The following ENTHD1 variants were observed in gnomAD, a reference collection of about 807,000 sequenced individuals.
The protein encoded by ENTHD1 is ENTH domain containing 1, also known as ENTH domain-containing protein 1.
Under a neutral mutation model 39.1 loss-of-function variants are expected in ENTHD1, and 23 were observed. The observed-to-expected ratio is 0.59, with a 90% CI of 0.42 to 0.83. ENTHD1 has a LOEUF of 0.83. Ranked by LOEUF, ENTHD1 falls within the 40% of genes least tolerant of loss-of-function variation. The pLI is 0.00. For synonymous variants in ENTHD1, 230 were observed against 258.2 expected, an observed-to-expected ratio of 0.89 and a Z score of 1.05; for missense variants, 624 against 705.4, an observed-to-expected ratio of 0.88 and a Z score of 1.31.
Position 39,861,787 on chromosome 22 carries a change from CT to C in ENTHD1, c.569del (p.Lys190SerfsTer16). The C allele has an allele frequency of 6.4e-7, 1 of 1,559,744 alleles. No homozygotes were observed. Among genetic ancestry groups the C allele is most frequent in the Non-Finnish European group, 8.7e-7 (1 of 1,146,450 alleles). ...TACTTTTATTATGTAACCTTCCAAACTTAGGAAGCTTATACTTCTTCTCTGA... is the reference window on the plus strand; with the variant it reads ...TACTTTTATTATGTAACCTTCCAAACTAGGAAGCTTATACTTCTTCTCTGA... ...SASEKKYKLP[K>X]FGRLHNKRNV... On this transcript the variant is annotated frameshift_variant, in exon 3 of 7. Coordinates refer to ENST00000325157, the MANE Select transcript of ENTHD1 (RefSeq NM_152512.4). LOFTEE classifies it high-confidence loss of function.
At chr22:39,752,740 T>C (rs1220734918) in intron 6 of ENTHD1, among the ~76,000 whole-genome samples, 2 of 152,182 alleles carry the variant, frequency 1.3e-5, no homozygotes. Context: ...TAAATAGGTG[T>C]GGTTTTTTGC....
chr22:39,873,207 T>G (rs2066258546), intron 2 of ENTHD1, among the ~76,000 whole-genome samples: 1 of 152,148 alleles, frequency 6.6e-6, no homozygotes, highest in African/African-American at 2.4e-5. Context: ...TGTGTGTATG[T>G]GTATATGAAA....
At chr22:39,813,075 G>A (rs1037044611) in intron 5 of ENTHD1, among the ~76,000 whole-genome samples, 5 of 152,136 alleles carry the variant, frequency 3.3e-5, no homozygotes, top group African/African-American at 1.2e-4. Flanking sequence ...GAGACACTGT[G>A]CCCGGCCCAG....
intron 5 of ENTHD1, among the ~76,000 whole-genome samples, chr22:39,797,842 T>C (rs1281382020): frequency 6.6e-6 from 1 of 152,202 alleles, no homozygotes; most frequent in Non-Finnish European, 1.5e-5. Flanking sequence ...TGTGACTAGA[T>C]GCTTTGCTCT....
chr22:39,888,657 A>C (rs2066403060), intron 1 of ENTHD1, among the ~76,000 whole-genome samples: 1 of 151,958 alleles, frequency 6.6e-6, no homozygotes, highest in South Asian at 2.1e-4. Flanking sequence ...CAAACTCCTG[A>C]CCTTGTGATC....
At chr22:39,766,886 C>T (rs1444140345) in intron 5 of ENTHD1, among the ~76,000 whole-genome samples, 1 of 152,120 alleles carries the variant, frequency 6.6e-6, no homozygotes, top group Admixed American at 6.6e-5. Flanking sequence ...ATTTTTCTTC[C>T]ATCCTCTCAT....
chr22:39,798,208 TCTG>T (rs1651994658), intron 5 of ENTHD1, among the ~76,000 whole-genome samples: 1 of 152,058 alleles, frequency 6.6e-6, no homozygotes, highest in African/African-American at 2.4e-5. Context: ...AATTCTTTCT[TCTG>T]CTTGTTCTAG....
chr22:39,799,793 G>A (rs1164793309), intron 5 of ENTHD1, among the ~76,000 whole-genome samples: 1 of 152,226 alleles, frequency 6.6e-6, no homozygotes, highest in Non-Finnish European at 1.5e-5. Context: ...GACCTGGGCA[G>A]CATTCGGTTG....
intron 6 of ENTHD1, among the ~76,000 whole-genome samples, chr22:39,747,674 C>A (rs1241262813): frequency 6.6e-6 from 1 of 152,058 alleles, no homozygotes; most frequent in Non-Finnish European, 1.5e-5. Flanking sequence ...GAGGCTATAT[C>A]TAATTATTTG....
intron 3 of ENTHD1, among the ~76,000 whole-genome samples, chr22:39,855,962 C>A (rs188684190): frequency 3.0e-4 from 45 of 152,210 alleles, no homozygotes; most frequent in African/African-American, 1.1e-3. Context: ...TTTGCTACTT[C>A]TCCTGTCCCA....
chr22:39,871,297 A>C (rs1165019795), intron 2 of ENTHD1, among the ~76,000 whole-genome samples: 1 of 152,140 alleles, frequency 6.6e-6, no homozygotes, highest in African/African-American at 2.4e-5. Flanking sequence ...AAAATAATAA[A>C]AGTTAAAATC....
At chr22:39,841,031 C>T (rs144030269) in intron 3 of ENTHD1, among the ~76,000 whole-genome samples, 5 of 152,218 alleles carry the variant, frequency 3.3e-5, no homozygotes, top group African/African-American at 7.2e-5. Context: ...TGAGCCACCG[C>T]GCCTGGCTAA....
At chr22:39,759,477 A>C (rs2065212535) in intron 6 of ENTHD1, among the ~76,000 whole-genome samples, 1 of 152,040 alleles carries the variant, frequency 6.6e-6, no homozygotes, top group African/African-American at 2.4e-5. Flanking sequence ...TTTAATTCTT[A>C]GAATTGGTAA....
chr22:39,756,251 A>G (rs978169754), intron 6 of ENTHD1, among the ~76,000 whole-genome samples: 5 of 151,760 alleles, frequency 3.3e-5, no homozygotes, highest in Non-Finnish European at 5.9e-5. Flanking sequence ...CCCTATTAAG[A>G]ATTTGTTAAA....
chr22:39,837,673 T>C (rs2065916251), intron 3 of ENTHD1, among the ~76,000 whole-genome samples: 1 of 152,230 alleles, frequency 6.6e-6, no homozygotes, highest in Non-Finnish European at 1.5e-5. Context: ...GCAGGACAGA[T>C]GACAAGTTTT....
intron 5 of ENTHD1, among the ~76,000 whole-genome samples, chr22:39,807,831 TTGTGAAAC>T (rs752103694): frequency 3.9e-5 from 6 of 152,238 alleles, no homozygotes; most frequent in Non-Finnish European, 8.8e-5. Flanking sequence ...AAACATTGTT[TTGTGAAAC>T]TGTGAAACTC....
intron 3 of ENTHD1, among the ~76,000 whole-genome samples, chr22:39,857,278 A>T (rs1428147885): frequency 6.6e-6 from 1 of 151,842 alleles, no homozygotes; most frequent in Non-Finnish European, 1.5e-5. Context: ...CCCCGTCTCT[A>T]CTTAAAATAC....
At chr22:39,820,850 C>A in intron 5 of ENTHD1, 143 bp downstream of exon 5, 1 of 756,178 alleles carries the variant, frequency 1.3e-6, no homozygotes, top group South Asian at 4.0e-5. Context: ...AATGGTAAAA[C>A]AAGATTATAG....
chr22:39,829,530 A>C (rs987214740), intron 4 of ENTHD1, among the ~76,000 whole-genome samples: 2 of 152,160 alleles, frequency 1.3e-5, no homozygotes, highest in African/African-American at 4.8e-5. Flanking sequence ...CACGCCTGTT[A>C]TCTCAGCACT....
Sources: allele counts gnomAD v4.1 joint callset (sites outside exome capture counted in the v4.1 genomes callset), GRCh38; gene constraint gnomAD v4.1.1; transcripts MANE v1.5; gene names NCBI Gene and HGNC (gene_info 2026-07-23, HGNC 2026-07-21).